Variants in GRK7 observed in about 807,000 individuals in gnomAD.
The protein encoded by GRK7 is G protein-coupled receptor kinase 7.
In GRK7, 24 loss-of-function variants were observed where a neutral mutation model predicts 34.1. The ratio of observed to expected loss-of-function variants is 0.70; its 90% CI spans 0.51 to 0.99. The LOEUF is 0.99. GRK7 is among the 50% of genes least tolerant of loss of function. GRK7 has a pLI of 0.00. For missense variants in GRK7, 644 were observed against 707.3 expected, an observed-to-expected ratio of 0.91 and a Z score of 1.02; for synonymous variants, 256 against 279.4, an observed-to-expected ratio of 0.92 and a Z score of 0.84.
At chr3:141,770,953 C>T (rs2084614168) in intron 1 of GRK7, among the ~76,000 whole-genome samples, 1 of 145,840 alleles carries the variant, frequency 6.9e-6, no homozygotes, top group African/African-American at 2.6e-5. Context: ...CGTGATCACA[C>T]CACTGCACTC....
chr3:141,806,554 C>A (rs1711038647), intron 4 of GRK7, among the ~76,000 whole-genome samples: 1 of 151,720 alleles, frequency 6.6e-6, no homozygotes, highest in South Asian at 2.1e-4. Flanking sequence ...CACAACGATA[C>A]TCCATCTCAA....
chr3:141,753,078 C>A, the GRK7 span, among the ~76,000 whole-genome samples: 5 of 152,206 alleles, frequency 3.3e-5, no homozygotes, highest in Non-Finnish European at 7.3e-5. Context: ...TAATACCTGC[C>A]TAAGATGACA....
intron 4 of GRK7, among the ~76,000 whole-genome samples, chr3:141,788,564 G>A (rs2084707720): frequency 6.6e-6 from 1 of 152,162 alleles, no homozygotes. Flanking sequence ...TCTGCCCCGT[G>A]GGGTCTTCTG....
chr3:141,803,002 A>G (rs1203614269), intron 4 of GRK7, among the ~76,000 whole-genome samples: 2 of 152,226 alleles, frequency 1.3e-5, no homozygotes, highest in African/African-American at 4.8e-5. Flanking sequence ...AGAATTTCAG[A>G]AAGAATTTCA....
chr3:141,813,254 T>C (rs905117837), intron 5 of GRK7, among the ~76,000 whole-genome samples: 3 of 152,152 alleles, frequency 2.0e-5, no homozygotes, highest in Admixed American at 6.6e-5. Flanking sequence ...GCCTCCCAAG[T>C]AACTGGGATT....
chr3:141,797,901 T>C (rs1239348942), intron 4 of GRK7, among the ~76,000 whole-genome samples: 2 of 151,832 alleles, frequency 1.3e-5, no homozygotes. Context: ...ACACTCATAC[T>C]TTTTCATGGA....
Position 141,778,572 on chromosome 3 carries a change from C to G in GRK7, c.288C>G (p.Ala96=). The G allele has an allele frequency of 6.2e-7, 1 of 1,613,148 alleles. No individual in the cohort carries two copies. The highest frequency in any genetic ancestry group is 8.5e-7 in the Non-Finnish European group (1 of 1,179,834). Residue 96 remains alanine, a synonymous_variant, in exon 3 of 6, where the codon GCC becomes GCG. Coordinates refer to ENST00000682958, the MANE Select transcript of GRK7 (RefSeq NM_139209.3). This position sits in a 1 kb window ranked among gnomAD's most constrained non-coding sequence, Gnocchi z 4.1. Reference sequence around the variant, plus strand: ...AGGACGTGCAGAACTGGGAGCTGGCCGAGGAGGGACCCACCAAAGACAGCG... The same window carrying G: ...AGGACGTGCAGAACTGGGAGCTGGCGGAGGAGGGACCCACCAAAGACAGCG... ...FLEDVQNWEL[A]EEGPTKDSAL... is the part of the protein sequence containing the mutation.
At chr3:141,781,199 A>C (rs2084670979) in intron 4 of GRK7, among the ~76,000 whole-genome samples, 1 of 152,114 alleles carries the variant, frequency 6.6e-6, no homozygotes, top group African/African-American at 2.4e-5. Context: ...GCTGGACCCT[A>C]AAATTCCATG....
At chr3:141,790,191 C>T (rs112452668) in intron 4 of GRK7, among the ~76,000 whole-genome samples, 2,884 of 152,248 alleles carry the variant, frequency 0.019, 97 homozygotes, top group African/African-American at 0.066. Flanking sequence ...CTAGTAGAGA[C>T]AGGGTTTCAC....
Position 141,787,196 on chromosome 3 carries a change from C to T in GRK7, c.1050+6385C>T, listed in dbSNP as rs369596312. On this transcript the variant is annotated intron_variant, in intron 4 of 5. Coordinates refer to ENST00000682958, the MANE Select transcript of GRK7 (RefSeq NM_139209.3). The stretch of plus-strand genomic sequence containing the variant: ...ATGCTGTGCCAGAACTTCTGACCTA[C>T]GGAACTGCAAGCTAATAAATGAACT... Among the ~76,000 whole-genome samples the T allele has an allele frequency of 2.0e-4, 31 of 152,150 alleles. 1 individual carries two copies. The highest frequency in any genetic ancestry group is 3.8e-4 in the East Asian group (2 of 5,204).
chr3:141,760,394 G>A (rs199854425), upstream of GRK7, among the ~76,000 whole-genome samples: 20,208 of 140,818 alleles, frequency 0.14, 1,544 homozygotes, highest in African/African-American at 0.19. Flanking sequence ...TTCAGGAGCC[G>A]GTTGTTCAGT....
intron 4 of GRK7, among the ~76,000 whole-genome samples, chr3:141,784,800 G>A (rs2084687834): frequency 6.6e-6 from 1 of 152,194 alleles, no homozygotes; most frequent in Non-Finnish European, 1.5e-5. Flanking sequence ...GGCAGTGTTG[G>A]AGAGGTGGGG....
intron 4 of GRK7, among the ~76,000 whole-genome samples, chr3:141,781,839 G>A (rs1410455296): frequency 6.6e-6 from 1 of 152,196 alleles, no homozygotes; most frequent in Non-Finnish European, 1.5e-5. Context: ...AAAATCTCTG[G>A]AATTCTAACA....
intron 5 of GRK7, among the ~76,000 whole-genome samples, chr3:141,816,004 G>A (rs531175836): frequency 6.6e-6 from 1 of 152,030 alleles, no homozygotes. Context: ...TTGTTTTAAG[G>A]CACTAAATTT....
At chr3:141,765,981 A>G (rs1218201634) in intron 1 of GRK7, among the ~76,000 whole-genome samples, 1 of 152,174 alleles carries the variant, frequency 6.6e-6, no homozygotes, top group African/African-American at 2.4e-5. Flanking sequence ...TTTCTTTACC[A>G]TAGCGTATAT....
the GRK7 span, among the ~76,000 whole-genome samples, chr3:141,751,876 G>T: frequency 1.3e-5 from 2 of 152,152 alleles, no homozygotes; most frequent in Admixed American, 6.5e-5. Flanking sequence ...AATTCTATTG[G>T]ACAGCACAAT....
chr3:141,817,226 T>C lies in GRK7; in HGVS notation c.*176T>C, dbSNP rs1364885761. ...GAACACATTTTATTTTCTTTTTCTT[T>C]CTTCATAAAGATGAGTAAAGTCTCA... On this transcript the variant is annotated 3_prime_UTR_variant, in exon 6 of 6. Transcript: ENST00000682958. 7 of 517,628 alleles carry C rather than the reference T, an allele frequency of 1.4e-5. No individual in the cohort carries two copies. Among genetic ancestry groups the C allele is most frequent in the Non-Finnish European group, 2.3e-5 (7 of 298,208 alleles). The allele number at this position is 517,628 out of a possible 1,614,324, so 32.1% of individuals were successfully genotyped here. A position where few individuals can be genotyped will look rare whatever the true frequency, so the allele number is the denominator to read the frequency against.
At position 141,764,433 on chromosome 3, in the gene GRK7, A is replaced by G. The variant is rs980773377; in HGVS notation, c.-1520A>G. Among the ~76,000 whole-genome samples, 1 of 152,090 alleles carries G rather than the reference A, an allele frequency of 6.6e-6. No individual in the cohort carries two copies. Among genetic ancestry groups the G allele is most frequent in the African/African-American group, 2.4e-5 (1 of 41,404 alleles). On this transcript the variant is annotated 5_prime_UTR_variant, in exon 1 of 6. Transcript: ENST00000682958. ...CTCCAAGTTGTTAAATTCACTGACC[A>G]ATTCTCAGTCCTTATCCCACTGACC...
intron 4 of GRK7, among the ~76,000 whole-genome samples, chr3:141,794,640 T>C (rs952801583): frequency 6.6e-6 from 1 of 152,228 alleles, no homozygotes; most frequent in Admixed American, 6.5e-5. Flanking sequence ...TTGAAAAGAT[T>C]ACCCCAGGTG....
Sources: allele counts gnomAD v4.1 joint callset (sites outside exome capture counted in the v4.1 genomes callset), GRCh38; gene constraint gnomAD v4.1.1; non-coding constraint Gnocchi (gnomAD v3.1); transcripts MANE v1.5; gene names NCBI Gene and HGNC (gene_info 2026-07-23, HGNC 2026-07-21).